CERS6: variants seen among roughly 807,000 people sequenced by gnomAD.
CERS6 encodes ceramide synthase 6.
Under a neutral mutation model 56.8 loss-of-function variants are expected in CERS6, and 26 were observed. The observed-to-expected ratio is 0.46, with a 90% CI of 0.34 to 0.63. CERS6 has a LOEUF of 0.63. Ranked by LOEUF, CERS6 falls within the 30% of genes least tolerant of loss-of-function variation. CERS6 has a pLI of 0.01. For synonymous variants in CERS6, 164 were observed against 173.3 expected (o/e 0.95, Z 0.42); for missense variants, 415 against 467.5 (o/e 0.89, Z 1.04).
At chr2:168,670,723 C>G (rs1685886053) in intron 4 of CERS6, among the ~76,000 whole-genome samples, 2 of 152,158 alleles carry the variant, frequency 1.3e-5, no homozygotes. Flanking sequence ...TCAATATCAT[C>G]TTCCCTGCAC....
chr2:168,464,468 CTT>C (rs1452619522), intron 1 of CERS6, among the ~76,000 whole-genome samples: 1 of 152,090 alleles, frequency 6.6e-6, no homozygotes, highest in Non-Finnish European at 1.5e-5. Flanking sequence ...GCCTTATACT[CTT>C]TTATTTATTT....
intron 2 of CERS6, 73 bp downstream of exon 2, chr2:168,547,774 C>A: frequency 9.3e-7 from 1 of 1,080,346 alleles, no homozygotes; most frequent in Non-Finnish European, 1.4e-6. Flanking sequence ...TCAATTTGTC[C>A]CCTTCTGGGT....
chr2:168,736,827 C>T (rs569951630), intron 8 of CERS6, among the ~76,000 whole-genome samples: 2 of 152,344 alleles, frequency 1.3e-5, no homozygotes, highest in Admixed American at 1.3e-4. Flanking sequence ...AGGCAGTGCA[C>T]GACAGGCTTG....
intron 1 of CERS6, among the ~76,000 whole-genome samples, chr2:168,513,335 T>C (rs1694828294): frequency 6.6e-6 from 1 of 152,206 alleles, no homozygotes; most frequent in Non-Finnish European, 1.5e-5. Context: ...ATTCAGAATG[T>C]CTTAGTTTTT....
chr2:168,520,598 C>CTT lies in CERS6; in HGVS notation c.171-26970_171-26969dup, dbSNP rs150724635. 4.1e-3 allele frequency among the ~76,000 whole-genome samples: 236 copies of CTT among 57,904 alleles called. 36 individuals are homozygous for CTT. The highest frequency in any genetic ancestry group is 0.019 in the Middle Eastern group (1 of 54). The allele number at this position is 57,904 out of a possible 152,430, so 38.0% of individuals were successfully genotyped here. A position where few individuals can be genotyped will look rare whatever the true frequency, so the allele number is the denominator to read the frequency against. ...TTAACTCTTTAACATTTACAATATC[C>CTT]TTTTTTTTTTTTTTTTTTTTTTTTT... On this transcript the variant is annotated intron_variant, in intron 1 of 9. Transcript: ENST00000305747.
At chr2:168,739,314 A>G (rs1479513655) in intron 8 of CERS6, among the ~76,000 whole-genome samples, 1 of 152,108 alleles carries the variant, frequency 6.6e-6, no homozygotes, top group Non-Finnish European at 1.5e-5. Context: ...GTAAATGGGA[A>G]GAAGGACATC....
At chr2:168,634,170 G>A (rs972508228) in intron 4 of CERS6, among the ~76,000 whole-genome samples, 14 of 152,158 alleles carry the variant, frequency 9.2e-5, no homozygotes, top group African/African-American at 3.4e-4. Context: ...TGTGTTGGTA[G>A]GAAATATTTA....
chr2:168,732,745 T>A (rs1172982011), intron 8 of CERS6, among the ~76,000 whole-genome samples: 1 of 152,216 alleles, frequency 6.6e-6, no homozygotes. Flanking sequence ...TCTCCCTTTT[T>A]TTAAAACTTG....
intron 3 of CERS6, among the ~76,000 whole-genome samples, chr2:168,624,818 G>T (rs573478758): frequency 2.6e-5 from 4 of 152,226 alleles, no homozygotes; most frequent in Non-Finnish European, 5.9e-5. Context: ...TGTCTATCTT[G>T]TAGCTTTGTT....
chr2:168,472,881 C>A (rs191954574), intron 1 of CERS6, among the ~76,000 whole-genome samples: 3 of 152,216 alleles, frequency 2.0e-5, no homozygotes, highest in Non-Finnish European at 4.4e-5. Flanking sequence ...ACAAAGGTAT[C>A]CGATACTTTG....
At position 168,630,997 on chromosome 2, in the gene CERS6, A is replaced by G. The variant is rs745854029; in HGVS notation, c.420A>G (p.Ser140=). ...TAACCTTCTACAGGTGGAGATTTTC[A>G]TTTTACCTTTATGTATTTACCTACG... ...TRFCESMWRF[S]FYLYVFTYGV... The change falls in exon 4 of 10, where the codon TCA becomes TCG. Residue 140 remains serine, a synonymous_variant. Coordinates refer to ENST00000305747, the MANE Select transcript of CERS6 (RefSeq NM_203463.3). 7.2e-6 allele frequency: 11 copies of G among 1,524,784 alleles called. 2 individuals are homozygous for G. In the South Asian group the frequency reaches 1.3e-4, roughly 18 times the overall value. The allele number at this position is 1,524,784 out of a possible 1,614,324, so 94.5% of individuals were successfully genotyped here.
intron 1 of CERS6, among the ~76,000 whole-genome samples, chr2:168,544,399 C>T (rs534008312): frequency 2.7e-4 from 41 of 152,268 alleles, no homozygotes; most frequent in African/African-American, 6.7e-4. Context: ...ATGGTAATCC[C>T]GCTTCATCTG....
chr2:168,682,216 A>G (rs932543764), intron 4 of CERS6, among the ~76,000 whole-genome samples: 1 of 152,244 alleles, frequency 6.6e-6, no homozygotes, highest in Non-Finnish European at 1.5e-5. Flanking sequence ...TGTTAAAACT[A>G]CATAAACTTG....
chr2:168,655,880 AAAG>A (rs1345352284), intron 4 of CERS6, among the ~76,000 whole-genome samples: 1 of 152,224 alleles, frequency 6.6e-6, no homozygotes, highest in African/African-American at 2.4e-5. Context: ...TCACATGCAC[AAAG>A]AAGAAACTGT....
At chr2:168,684,140 C>T (rs1364990877) in intron 4 of CERS6, among the ~76,000 whole-genome samples, 1 of 152,132 alleles carries the variant, frequency 6.6e-6, no homozygotes, top group Non-Finnish European at 1.5e-5. Context: ...CTTTTTAAAG[C>T]CTGATCAATA....
At chr2:168,471,087 A>G (rs774811984) in intron 1 of CERS6, among the ~76,000 whole-genome samples, 4 of 152,224 alleles carry the variant, frequency 2.6e-5, no homozygotes, top group Admixed American at 6.5e-5. Flanking sequence ...AAGATTGGGC[A>G]GAAGGCAAGT....
chr2:168,464,698 TAAA>T (rs543390356), intron 1 of CERS6, among the ~76,000 whole-genome samples: 1 of 134,342 alleles, frequency 7.4e-6, no homozygotes. Context: ...GAGCCTAAAT[TAAA>T]AAAAAAAAAA....
At chr2:168,596,002 A>G (rs908588633) in intron 3 of CERS6, among the ~76,000 whole-genome samples, 1 of 151,190 alleles carries the variant, frequency 6.6e-6, no homozygotes, top group African/African-American at 2.4e-5. Context: ...TAATTCCAGC[A>G]CTTTGGGAGG....
intron 1 of CERS6, among the ~76,000 whole-genome samples, chr2:168,492,208 A>G (rs1694386535): frequency 6.6e-6 from 1 of 152,214 alleles, no homozygotes; most frequent in African/African-American, 2.4e-5. Flanking sequence ...GTCTTCCACA[A>G]TGGCTGAACT....
Sources: allele counts gnomAD v4.1 joint callset (sites outside exome capture counted in the v4.1 genomes callset), GRCh38; gene constraint gnomAD v4.1.1; transcripts MANE v1.5; gene names NCBI Gene and HGNC (gene_info 2026-07-23, HGNC 2026-07-21).